Variants in DNAI3 observed in about 807,000 individuals in gnomAD.
The protein encoded by DNAI3 is dynein axonemal intermediate chain 3, also known as WD repeat domain 63.
In DNAI3, 83 loss-of-function variants were observed where a neutral mutation model predicts 115.5. That is an observed-to-expected ratio of 0.72 (90% CI 0.60 to 0.86). The LOEUF is 0.86. Ranked by LOEUF, DNAI3 falls within the 40% of genes least tolerant of loss-of-function variation. The pLI is 0.00. For missense variants in DNAI3, 1,004 were observed against 1,075.8 expected (o/e 0.93, Z 0.93); for synonymous variants, 320 against 347.0 (o/e 0.92, Z 0.86).
At chr1:85,096,070 G>A in intron 11 of DNAI3, 50 bp downstream of exon 11, 11 of 1,560,024 alleles carry the variant, frequency 7.1e-6, no homozygotes, top group Non-Finnish European at 9.7e-6. Context: ...ACAACCTTTG[G>A]TAATAAGTTT....
At chr1:85,115,254 G>A (rs890019287) in intron 16 of DNAI3, among the ~76,000 whole-genome samples, 1 of 152,170 alleles carries the variant, frequency 6.6e-6, no homozygotes, top group African/African-American at 2.4e-5. Flanking sequence ...GATGAAATGA[G>A]TTATACACGA....
rs377121701 is a variant in DNAI3 at position 85,126,706 on chromosome 1, A to T, written c.2308A>T (p.Ile770Phe). ...ITMITYIKPWIFSSKQQFIAT... is the reference protein window; with the variant it reads ...ITMITYIKPWFFSSKQQFIAT... ...TATGATCACCTACATCAAACCCTGG[A>T]TCTTTTCTTGTATGTTAATTCTAAC... The change falls in exon 20 of 23, where the codon ATC (isoleucine) becomes TTC (phenylalanine). Residue 770 changes from isoleucine (I) to phenylalanine (F), a missense_variant. Ile to Phe is a conservative substitution (Grantham distance 21). Around this residue, in one of 3 missense-constraint regions of DNAI3, gnomAD observed 429 missense variants for 454.3 expected, o/e 0.94. Coordinates refer to ENST00000294664, the MANE Select transcript of DNAI3 (RefSeq NM_145172.5). 27 of 1,614,100 alleles carry T rather than the reference A, an allele frequency of 1.7e-5. No homozygotes were observed. Among genetic ancestry groups the T allele is most frequent in the Non-Finnish European group, 2.2e-5 (26 of 1,179,986 alleles).
intron 20 of DNAI3, among the ~76,000 whole-genome samples, chr1:85,127,869 C>CT (rs893022982): frequency 1.3e-5 from 2 of 152,074 alleles, no homozygotes; most frequent in African/African-American, 4.8e-5. Flanking sequence ...AATCCCAGCA[C>CT]TTTGGGAGGC....
intron 16 of DNAI3, among the ~76,000 whole-genome samples, chr1:85,113,576 C>T (rs879451292): frequency 2.6e-5 from 4 of 152,072 alleles, no homozygotes; most frequent in African/African-American, 7.2e-5. Context: ...TAGAGCAATA[C>T]GACACTGTTT....
intron 16 of DNAI3, among the ~76,000 whole-genome samples, chr1:85,116,198 T>G (rs748608553): frequency 3.1e-4 from 47 of 152,194 alleles, no homozygotes; most frequent in Admixed American, 6.5e-5. Flanking sequence ...GAATTCTCCA[T>G]CTGACTCTTG....
At chr1:85,062,803 T>C (rs549213627) in intron 1 of DNAI3, among the ~76,000 whole-genome samples, 237 of 91,184 alleles carry the variant, frequency 2.6e-3, no homozygotes, top group Non-Finnish European at 3.5e-3. Context: ...AATGAGTCAG[T>C]TAATGAATGA....
chr1:85,071,795 C>T, intron 1 of DNAI3, 133 bp from the exon 2 acceptor site: 2 of 805,902 alleles, frequency 2.5e-6, no homozygotes, highest in South Asian at 1.7e-5. Flanking sequence ...TATGAAGATA[C>T]AGGTTGATTT....
rs537784919 is a variant in DNAI3, at chr1:85,078,101, C to CCCT, written c.104-3129_104-3127dup. On this transcript the variant is annotated intron_variant, in intron 3 of 22. Transcript: ENST00000294664. ...GATCCTATGGAACATCATCTCTGTT[C>CCCT]CCTCCTTGTCTATGTGTAGAGAAGC... Among the ~76,000 whole-genome samples, 58 of 152,206 alleles carry CCCT rather than the reference C, an allele frequency of 3.8e-4. 1 individual carries two copies. In the South Asian group the frequency reaches 0.012, roughly 30 times the overall value.
At chr1:85,116,051 C>G (rs1030666675) in intron 16 of DNAI3, among the ~76,000 whole-genome samples, 6 of 152,126 alleles carry the variant, frequency 3.9e-5, no homozygotes, top group Non-Finnish European at 8.8e-5. Flanking sequence ...GTTATTCCTC[C>G]TCTATCTCCT....
chr1:85,130,719 A>AG (rs1656296622), intron 22 of DNAI3, among the ~76,000 whole-genome samples: 1 of 149,374 alleles, frequency 6.7e-6, no homozygotes. Context: ...ATAGATAGAT[A>AG]AATAGATATG....
intron 17 of DNAI3, among the ~76,000 whole-genome samples, chr1:85,118,671 C>G (rs1312736061): frequency 6.6e-6 from 1 of 152,150 alleles, no homozygotes; most frequent in East Asian, 1.9e-4. Context: ...TCAGGCACAG[C>G]ACTGGGTGCT....
chr1:85,103,337 T>C (rs1655384320), intron 13 of DNAI3, among the ~76,000 whole-genome samples: 1 of 152,170 alleles, frequency 6.6e-6, no homozygotes, highest in South Asian at 2.1e-4. Flanking sequence ...TAAACCCTCC[T>C]GTGAATCCTC....
chr1:85,064,842 G>A (rs1654046420), intron 1 of DNAI3, among the ~76,000 whole-genome samples: 1 of 152,156 alleles, frequency 6.6e-6, no homozygotes, highest in Non-Finnish European at 1.5e-5. Context: ...AGACCAGCCT[G>A]GCCAACATGG....
intron 13 of DNAI3, 144 bp from the exon 14 acceptor site, chr1:85,104,380 C>G (rs976004080): frequency 6.6e-6 from 4 of 610,328 alleles, no homozygotes; most frequent in Non-Finnish European, 1.1e-5. Context: ...CTCAGCCTAT[C>G]AGAATGCTGG....
chr1:85,063,479 A>G (rs1311021240), intron 1 of DNAI3, among the ~76,000 whole-genome samples: 1 of 152,210 alleles, frequency 6.6e-6, no homozygotes, highest in East Asian at 1.9e-4. Context: ...TGAAGGCCAT[A>G]CTTATGTGAG....
intron 14 of DNAI3, among the ~76,000 whole-genome samples, chr1:85,107,344 G>T (rs1370548588): frequency 3.3e-5 from 5 of 152,150 alleles, no homozygotes; most frequent in African/African-American, 1.2e-4. Context: ...TTTATCAAAT[G>T]TACTGATGAG....
chr1:85,108,192 G>A lies in DNAI3; in HGVS notation c.1698+15G>A. ...CTCTCACTAAGGTAAGTAATGTGGG[G>A]TTTTTAGTCCATCCTGCTTGCATAA... On this transcript the variant is annotated intron_variant, in intron 15 of 22. Coordinates refer to ENST00000294664, the MANE Select transcript of DNAI3 (RefSeq NM_145172.5). 6.4e-7 allele frequency: 1 copy of A among 1,571,238 alleles called. No homozygotes were observed. The highest frequency in any genetic ancestry group is 1.4e-5 in the African/African-American group (1 of 73,152).
chr1:85,130,733 G>A (rs924952961), intron 22 of DNAI3, among the ~76,000 whole-genome samples: 29 of 151,506 alleles, frequency 1.9e-4, no homozygotes, highest in African/African-American at 7.0e-4. Context: ...AGATATGAGG[G>A]GGTAGAGAGA....
chr1:85,068,506 C>G (rs894957666), intron 1 of DNAI3, among the ~76,000 whole-genome samples: 1 of 152,176 alleles, frequency 6.6e-6, no homozygotes, highest in Non-Finnish European at 1.5e-5. Context: ...TTTTAAATGT[C>G]TCGCAGCTGG....
Sources: allele counts gnomAD v4.1 joint callset (sites outside exome capture counted in the v4.1 genomes callset), GRCh38; gene constraint gnomAD v4.1.1; regional missense constraint gnomAD v4.1.1; transcripts MANE v1.5; gene names NCBI Gene and HGNC (gene_info 2026-07-23, HGNC 2026-07-21).